Variants in NRXN1 observed in about 807,000 individuals in gnomAD.
NRXN1 encodes the protein neurexin 1.
In NRXN1, 39 loss-of-function variants were observed where a neutral mutation model predicts 150.9. The observed-to-expected ratio is 0.26, with a 90% CI of 0.20 to 0.34. The LOEUF (loss-of-function observed/expected upper bound fraction) is 0.34. NRXN1 is among the 10% of genes least tolerant of loss of function. The probability of loss-of-function intolerance (pLI) is 1.00; values close to 1 mark genes in which losing one functional copy is unlikely to be tolerated. For synonymous variants in NRXN1, 924 were observed against 757.0 expected (o/e 1.22, Z -3.62); for missense variants, 1,815 against 1,949.9 (o/e 0.93, Z 1.30).
At chr2:50,658,407 C>T (rs990003595) in intron 5 of NRXN1, among the ~76,000 whole-genome samples, 4 of 26,412 alleles carry the variant, frequency 1.5e-4, no homozygotes, top group African/African-American at 5.1e-4. Flanking sequence ...GAAATGCATT[C>T]ACTGGTGTGT....
intron 18 of NRXN1, among the ~76,000 whole-genome samples, chr2:50,149,304 G>A (rs965293883): frequency 6.6e-6 from 1 of 151,656 alleles, no homozygotes; most frequent in East Asian, 1.9e-4. Context: ...GACAAAGGGT[G>A]GCCATTTTGT....
At chr2:50,016,133 T>C (rs537848035) in intron 21 of NRXN1, among the ~76,000 whole-genome samples, 12 of 152,002 alleles carry the variant, frequency 7.9e-5, no homozygotes, top group African/African-American at 2.7e-4. Flanking sequence ...AGGTAAAGAG[T>C]AATGCAATTT....
At chr2:50,498,381 CT>C (rs890635845) in intron 13 of NRXN1, among the ~76,000 whole-genome samples, 10 of 152,190 alleles carry the variant, frequency 6.6e-5, no homozygotes, top group African/African-American at 2.2e-4. Flanking sequence ...TCACCTATGC[CT>C]TTTTTTGTCC....
At chr2:50,472,795 T>TTGTGTGTGTGTGTGTGTGTGTG (rs113192574) in intron 15 of NRXN1, among the ~76,000 whole-genome samples, 5 of 138,644 alleles carry the variant, frequency 3.6e-5, no homozygotes, top group African/African-American at 1.4e-4. Flanking sequence ...CCCTACAGCC[T>TTGTGTGTGTGTGTGTGTGTGTG]TGTGTGTGTG....
chr2:50,400,679 T>C (rs1417558939), intron 17 of NRXN1, among the ~76,000 whole-genome samples: 2 of 152,146 alleles, frequency 1.3e-5, no homozygotes, highest in East Asian at 3.9e-4. Flanking sequence ...ACAAGTAAGG[T>C]TCTGCTCAAA....
intron 5 of NRXN1, among the ~76,000 whole-genome samples, chr2:50,625,919 T>C (rs766779138): frequency 2.6e-5 from 4 of 151,952 alleles, no homozygotes; most frequent in Non-Finnish European, 5.9e-5. Flanking sequence ...ACAAACAACA[T>C]AAATCGTATG....
At position 50,506,397 on chromosome 2, in the gene NRXN1, T is replaced by C. The variant is rs2092222848; in HGVS notation, c.2497+98A>G. ...ATAAAAATGGATTGTGTGAATACATTTCAAGTTGTGTACCAGCCTTGGTGT... is the reference window on the plus strand; with the variant it reads ...ATAAAAATGGATTGTGTGAATACATCTCAAGTTGTGTACCAGCCTTGGTGT... On this transcript the variant is annotated intron_variant, in intron 13 of 22. Transcript: ENST00000401669. 4 of 1,091,926 alleles carry C rather than the reference T, an allele frequency of 3.7e-6. No individual in the cohort carries two copies. The South Asian group carries it at 8.0e-5, about 22-fold the overall frequency. The allele number at this position is 1,091,926 out of a possible 1,614,324, so 67.6% of individuals were successfully genotyped here. A position where few individuals can be genotyped will look rare whatever the true frequency, so the allele number is the denominator to read the frequency against.
At chr2:50,665,628 G>C (rs1183114272) in intron 5 of NRXN1, among the ~76,000 whole-genome samples, 1 of 151,998 alleles carries the variant, frequency 6.6e-6, no homozygotes, top group Non-Finnish European at 1.5e-5. Flanking sequence ...TGACTTATTT[G>C]AGAAAGTAAC....
chr2:50,238,496 G>C (rs757084748), intron 17 of NRXN1, among the ~76,000 whole-genome samples: 1 of 151,840 alleles, frequency 6.6e-6, no homozygotes, highest in African/African-American at 2.4e-5. Flanking sequence ...TGAAAACTTA[G>C]GCCACAAAAC....
intron 12 of NRXN1, among the ~76,000 whole-genome samples, chr2:50,522,016 A>AT (rs2092802972): frequency 6.6e-6 from 1 of 152,194 alleles, no homozygotes. Flanking sequence ...AGCCAGTGAA[A>AT]GGGATGACAG....
chr2:51,024,136 T>C (rs1340971532), intron 2 of NRXN1, among the ~76,000 whole-genome samples: 1 of 152,200 alleles, frequency 6.6e-6, no homozygotes, highest in Non-Finnish European at 1.5e-5. Flanking sequence ...TAGGGATCTA[T>C]GAGTGCTCTT....
intron 5 of NRXN1, among the ~76,000 whole-genome samples, chr2:50,901,047 A>G (rs1414002093): frequency 1.3e-5 from 2 of 151,994 alleles, no homozygotes; most frequent in Non-Finnish European, 2.9e-5. Context: ...TTTTTTCTCT[A>G]TAGAAGGTAT....
intron 9 of NRXN1, among the ~76,000 whole-genome samples, chr2:50,539,107 C>T (rs2093333950): frequency 7.1e-6 from 1 of 141,254 alleles, no homozygotes; most frequent in African/African-American, 2.8e-5. Context: ...TCACAGATTA[C>T]CTATGTCAAA....
chr2:50,572,334 C>T (rs935871092), intron 8 of NRXN1, among the ~76,000 whole-genome samples: 2 of 152,172 alleles, frequency 1.3e-5, no homozygotes, highest in Admixed American at 6.5e-5. Flanking sequence ...CTCTCCAATG[C>T]GCTCTGGATA....
intron 17 of NRXN1, among the ~76,000 whole-genome samples, chr2:50,294,575 A>G (rs1354547524): frequency 1.3e-5 from 2 of 152,210 alleles, no homozygotes; most frequent in Non-Finnish European, 2.9e-5. Flanking sequence ...CACCTAAATC[A>G]GCGATACAAC....
intron 5 of NRXN1, among the ~76,000 whole-genome samples, chr2:50,753,702 T>C (rs2105342528): frequency 6.6e-6 from 1 of 151,960 alleles, no homozygotes; most frequent in South Asian, 2.1e-4. Context: ...AAGGTTTAAG[T>C]AGGAAAAACT....
intron 21 of NRXN1, among the ~76,000 whole-genome samples, chr2:49,952,683 C>A (rs1026717330): frequency 6.6e-6 from 1 of 152,048 alleles, no homozygotes; most frequent in Non-Finnish European, 1.5e-5. Context: ...TAGAACACTG[C>A]AGGCTATGCT....
In NRXN1 at chr2:50,623,848, C is replaced by T. The variant is rs145743059; in HGVS notation, c.833-233G>A. Among the ~76,000 whole-genome samples the T allele has an allele frequency of 4.1e-4, 63 of 152,072 alleles. No individual in the cohort carries two copies. The East Asian group carries it at 8.7e-3, about 21-fold the overall frequency. ...ATGTGCACAATGTGCAGGTTTGTTA[C>T]ATATGTATACATGTGCCATGTTGGT... On this transcript the variant is annotated intron_variant, in intron 5 of 22. Transcript: ENST00000401669.
At chr2:50,153,982 G>C (rs2058857288) in intron 18 of NRXN1, among the ~76,000 whole-genome samples, 1 of 151,730 alleles carries the variant, frequency 6.6e-6, no homozygotes, top group African/African-American at 2.4e-5. Context: ...ATAGATAGTT[G>C]CTGCTAAACT....
Sources: gnomAD v4.1 joint callset for allele counts (sites outside exome capture counted in the v4.1 genomes callset) on GRCh38, gnomAD v4.1.1 for gene constraint, MANE v1.5 for transcripts, NCBI Gene and HGNC (gene_info 2026-07-23, HGNC 2026-07-21) for gene names.